Variants in BBX observed in about 807,000 individuals in gnomAD.
BBX encodes BBX high mobility group box domain containing, also known as HMG box transcription factor BBX.
BBX carries 30 observed loss-of-function variants against 100.2 expected under a neutral mutation model. The observed-to-expected ratio is 0.30, with a 90% CI of 0.22 to 0.41. BBX has a LOEUF of 0.41. Ranked by LOEUF, BBX falls within the 10% of genes least tolerant of loss-of-function variation. The pLI, the probability that BBX is intolerant of heterozygous loss-of-function variation, is 1.00. For missense variants in BBX, 1,023 were observed against 1,129.8 expected, an observed-to-expected ratio of 0.91 and a Z score of 1.35; for synonymous variants, 376 against 388.1, an observed-to-expected ratio of 0.97 and a Z score of 0.37.
At chr3:107,617,335 A>T (rs1019137480) in intron 2 of BBX, among the ~76,000 whole-genome samples, 1 of 151,594 alleles carries the variant, frequency 6.6e-6, no homozygotes, top group African/African-American at 2.4e-5. Flanking sequence ...CTCACACTTT[A>T]TTCATTTTTT....
chr3:107,564,666 T>C (rs2050748827), intron 2 of BBX, among the ~76,000 whole-genome samples: 1 of 152,226 alleles, frequency 6.6e-6, no homozygotes, highest in Non-Finnish European at 1.5e-5. Flanking sequence ...TTTTATCACG[T>C]ACAAATGTTT....
Position 107,779,022 on chromosome 3 carries a change from C to CATATATATATATATATAT in BBX, c.2203+504_2203+505insTATATATATATATATATA, listed in dbSNP as rs1241281777. 2.6e-4 allele frequency among the ~76,000 whole-genome samples: 17 copies of CATATATATATATATATAT among 64,710 alleles called. 1 individual carries two copies. Among genetic ancestry groups the CATATATATATATATATAT allele is most frequent in the African/African-American group, 9.6e-4 (14 of 14,628 alleles). 42.5% of individuals were successfully genotyped at this position (64,710 alleles called of 152,430 possible). On this transcript the variant is annotated intron_variant, in intron 13 of 17. Coordinates refer to ENST00000325805, the MANE Select transcript of BBX (RefSeq NM_001142568.3). ...ATATATATATATATATATATATATACACACACACACACACATATACATTGG... is the reference window on the plus strand; with the variant it reads ...ATATATATATATATATATATATATACATATATATATATATATATACACACACACACACATATACATTGG...
At chr3:107,616,396 AC>A (rs2055284430) in intron 2 of BBX, among the ~76,000 whole-genome samples, 1 of 152,064 alleles carries the variant, frequency 6.6e-6, no homozygotes, top group Non-Finnish European at 1.5e-5. Context: ...CGTGCCCTTT[AC>A]CCAGATTCTT....
rs1448423774 is a variant in BBX at position 107,774,711 on chromosome 3, T to A, written c.1916-8T>A. The A allele has an allele frequency of 1.9e-6, 3 of 1,611,846 alleles. No homozygotes were observed. The highest frequency in any genetic ancestry group is 2.5e-6 in the Non-Finnish European group (3 of 1,179,004). On this transcript the variant is annotated splice_region_variant and splice_polypyrimidine_tract_variant and intron_variant, in intron 11 of 17. Coordinates refer to ENST00000325805, the MANE Select transcript of BBX (RefSeq NM_001142568.3). Reference sequence around the variant, plus strand: ...ACCAAACACATCCTTTCTCTTGAATTTTCTTAGGAAAACGAAGCTCAGGAA... The same window carrying A: ...ACCAAACACATCCTTTCTCTTGAATATTCTTAGGAAAACGAAGCTCAGGAA...
At chr3:107,587,087 T>C (rs2052909256) in intron 2 of BBX, among the ~76,000 whole-genome samples, 1 of 152,316 alleles carries the variant, frequency 6.6e-6, no homozygotes, top group South Asian at 2.1e-4. Flanking sequence ...TGCCATCTTA[T>C]TTTGCTTCAT....
chr3:107,708,350 C>A (rs943640012), intron 3 of BBX, among the ~76,000 whole-genome samples: 3 of 152,092 alleles, frequency 2.0e-5, no homozygotes, highest in African/African-American at 7.2e-5. Flanking sequence ...TCTTTTCCCC[C>A]TTTCTTTTTC....
At chr3:107,786,087 CAA>C in intron 13 of BBX, among the ~76,000 whole-genome samples, 1 of 151,970 alleles carries the variant, frequency 6.6e-6, no homozygotes, top group Admixed American at 6.6e-5. Context: ...ACAATAGCAT[CAA>C]AAAGAGTAAA....
intron 3 of BBX, among the ~76,000 whole-genome samples, chr3:107,650,061 GAAGA>G (rs2057749381): frequency 6.6e-6 from 1 of 152,170 alleles, no homozygotes; most frequent in Non-Finnish European, 1.5e-5. Flanking sequence ...TTTGGTTTCA[GAAGA>G]AATAGACATT....
At chr3:107,714,599 G>T (rs778534430) in intron 4 of BBX, among the ~76,000 whole-genome samples, 14 of 151,900 alleles carry the variant, frequency 9.2e-5, no homozygotes, top group African/African-American at 3.4e-4. Context: ...AATAAAACTC[G>T]CTTGAAAAAT....
At chr3:107,758,503 AATATGGTAGAGATG>A (rs2065655413) in intron 10 of BBX, among the ~76,000 whole-genome samples, 1 of 152,086 alleles carries the variant, frequency 6.6e-6, no homozygotes, top group Admixed American at 6.5e-5. Flanking sequence ...ATCAGGGGAG[AATATGGTAGAGATG>A]CCTTTGCTCG....
chr3:107,697,258 G>A (rs915752251), intron 3 of BBX, among the ~76,000 whole-genome samples: 5 of 151,876 alleles, frequency 3.3e-5, no homozygotes, highest in Non-Finnish European at 5.9e-5. Context: ...TGTTCCTTTC[G>A]AGGAGGAGAG....
chr3:107,542,270 A>G (rs2048916670), intron 2 of BBX, among the ~76,000 whole-genome samples: 1 of 152,192 alleles, frequency 6.6e-6, no homozygotes, highest in African/African-American at 2.4e-5. Flanking sequence ...TATTTATTTA[A>G]AAGATTTAAG....
chr3:107,640,349 T>C (rs2057114091), intron 2 of BBX, among the ~76,000 whole-genome samples: 1 of 152,222 alleles, frequency 6.6e-6, no homozygotes. Context: ...CTGCTGCATA[T>C]GCCTCCTATC....
chr3:107,741,607 C>T (rs769037596), intron 7 of BBX, among the ~76,000 whole-genome samples: 4 of 152,044 alleles, frequency 2.6e-5, no homozygotes, highest in Middle Eastern at 3.4e-3. Context: ...TCTTAATTAA[C>T]GAACAAATAT....
At chr3:107,540,518 A>G (rs920066817) in intron 2 of BBX, among the ~76,000 whole-genome samples, 1 of 152,220 alleles carries the variant, frequency 6.6e-6, no homozygotes. Context: ...AGAGGCCTGT[A>G]AATGAATCCT....
At chr3:107,691,502 G>A (rs936389543) in intron 3 of BBX, among the ~76,000 whole-genome samples, 2 of 152,228 alleles carry the variant, frequency 1.3e-5, no homozygotes, top group East Asian at 1.9e-4. Context: ...CTTACATTTT[G>A]TATCATATAT....
intron 2 of BBX, among the ~76,000 whole-genome samples, chr3:107,619,606 T>C (rs2055585502): frequency 6.6e-6 from 1 of 152,106 alleles, no homozygotes; most frequent in Non-Finnish European, 1.5e-5. Flanking sequence ...TTATTGAATG[T>C]TTTTAGCTGC....
chr3:107,743,663 G>A (rs1393364291), intron 7 of BBX, among the ~76,000 whole-genome samples: 1 of 152,060 alleles, frequency 6.6e-6, no homozygotes, highest in Non-Finnish European at 1.5e-5. Flanking sequence ...GCATAATCTG[G>A]GTAACTAGTA....
At chr3:107,540,912 T>A (rs1375009123) in intron 2 of BBX, among the ~76,000 whole-genome samples, 1 of 152,148 alleles carries the variant, frequency 6.6e-6, no homozygotes, top group East Asian at 1.9e-4. Context: ...GACTTCCTTT[T>A]TAAAATGATG....
Sources: allele counts gnomAD v4.1 joint callset (sites outside exome capture counted in the v4.1 genomes callset), GRCh38; gene constraint gnomAD v4.1.1; transcripts MANE v1.5; gene names NCBI Gene and HGNC (gene_info 2026-07-23, HGNC 2026-07-21).